Variants in CHRNB3 observed in about 807,000 individuals in gnomAD.
The protein encoded by CHRNB3 is cholinergic receptor nicotinic beta 3 subunit.
CHRNB3 carries 37 observed loss-of-function variants against 40.6 expected under a neutral mutation model. That is an observed-to-expected ratio of 0.91 (90% CI 0.70 to 1.20). The LOEUF is 1.20. Ranked by LOEUF, CHRNB3 falls within the 50% of genes most tolerant of loss-of-function variation. The probability of loss-of-function intolerance (pLI) is 0.00; values close to 1 mark genes in which losing one functional copy is unlikely to be tolerated. For synonymous variants in CHRNB3, 207 were observed against 207.1 expected, an observed-to-expected ratio of 1.00 and a Z score of 0.00; for missense variants, 505 against 551.2, an observed-to-expected ratio of 0.92 and a Z score of 0.84.
At chr8:42,729,237 C>A (rs1443515454) in intron 3 of CHRNB3, among the ~76,000 whole-genome samples, 1 of 151,894 alleles carries the variant, frequency 6.6e-6, no homozygotes, top group African/African-American at 2.4e-5. Flanking sequence ...GAAACCCCGT[C>A]TCCACTAAAA....
chr8:42,719,665 C>G (rs79131545), intron 3 of CHRNB3, among the ~76,000 whole-genome samples: 140 of 152,202 alleles, frequency 9.2e-4, no homozygotes, highest in African/African-American at 3.3e-3. Flanking sequence ...AGAAAAGAAA[C>G]TGGATGAGCC....
chr8:42,719,336 AAC>A (rs1265071478), intron 3 of CHRNB3, among the ~76,000 whole-genome samples: 1 of 152,170 alleles, frequency 6.6e-6, no homozygotes, highest in Admixed American at 6.5e-5. Flanking sequence ...CTCTGTGGTG[AAC>A]ACACATCCTG....
chr8:42,736,084 C>T (rs1315991431), intron 5 of CHRNB3, among the ~76,000 whole-genome samples: 3 of 152,088 alleles, frequency 2.0e-5, no homozygotes, highest in Non-Finnish European at 4.4e-5. Flanking sequence ...CAGCTCGTCT[C>T]GAACTCCTGA....
At chr8:42,703,399 G>T (rs1459538810) in intron 1 of CHRNB3, among the ~76,000 whole-genome samples, 2 of 101,494 alleles carry the variant, frequency 2.0e-5, no homozygotes, top group South Asian at 3.8e-4. Context: ...CCTTCAGCCG[G>T]GGTGACAGAG....
intron 3 of CHRNB3, among the ~76,000 whole-genome samples, chr8:42,710,932 A>T (rs901766497): frequency 2.6e-5 from 4 of 152,228 alleles, no homozygotes; most frequent in African/African-American, 9.6e-5. Flanking sequence ...ATTTCAGAAC[A>T]GAGTGAAGCC....
At chr8:42,729,278 C>T (rs1169355022) in intron 3 of CHRNB3, among the ~76,000 whole-genome samples, 7 of 151,934 alleles carry the variant, frequency 4.6e-5, no homozygotes, top group Admixed American at 3.9e-4. Context: ...GGCGTGGTGG[C>T]GGGAACCTGT....
intron 3 of CHRNB3, among the ~76,000 whole-genome samples, chr8:42,724,350 C>A (rs146383213): frequency 6.6e-6 from 1 of 152,234 alleles, no homozygotes; most frequent in East Asian, 1.9e-4. Context: ...CCCCAAAGTT[C>A]AAGAACAAGG....
intron 3 of CHRNB3, among the ~76,000 whole-genome samples, chr8:42,723,102 A>G (rs1586404490): frequency 7.7e-6 from 1 of 130,146 alleles, no homozygotes; most frequent in Non-Finnish European, 1.7e-5. Flanking sequence ...TTACTAAAAT[A>G]TCGAATAGGA....
rs71221230 is a variant in CHRNB3 at position 42,717,403 on chromosome 8, A to AAAAAAAAAAAAAAAAAAAAAAAAAAAG, written c.249+6971_249+6972insAAAAAAAAAAAAAAAAAAAAAAAAGAA. Among the ~76,000 whole-genome samples the AAAAAAAAAAAAAAAAAAAAAAAAAAAG allele has an allele frequency of 9.2e-4, 47 of 50,906 alleles. 22 individuals are homozygous for AAAAAAAAAAAAAAAAAAAAAAAAAAAG. The highest frequency in any genetic ancestry group is 1.2e-3 in the Non-Finnish European group (32 of 26,716). The allele number at this position is 50,906 out of a possible 152,430, so 33.4% of individuals were successfully genotyped here. On this transcript the variant is annotated intron_variant, in intron 3 of 5. Transcript: ENST00000289957. ...AAAAAAAAAAAAAAAAAAAAAAAAA[A>AAAAAAAAAAAAAAAAAAAAAAAAAAAG]AAGCCGACCTGTTGTGGAAAGGTCA... is the stretch of plus-strand genomic sequence containing the variant.
chr8:42,703,435 A>AAAAAATATATATATATATATATATATAT lies in CHRNB3; in HGVS notation c.53-5281_53-5280insAAAATATATATATATATATATATATATA. ...CAAGACTTCGTCTAAAAAAAAAAAA[A>AAAAAATATATATATATATATATATATAT]ATATTTATATATATATATATATATA... On this transcript the variant is annotated intron_variant, in intron 1 of 5. Transcript: ENST00000289957. Among the ~76,000 whole-genome samples, 44 of 47,372 alleles carry AAAAAATATATATATATATATATATATAT rather than the reference A, an allele frequency of 9.3e-4. 2 individuals carry two copies. The highest frequency in any genetic ancestry group is 2.8e-3 in the Admixed American group (12 of 4,298). The allele number at this position is 47,372 out of a possible 152,430, so 31.1% of individuals were successfully genotyped here.
intron 3 of CHRNB3, among the ~76,000 whole-genome samples, chr8:42,714,681 G>A (rs553336652): frequency 6.6e-6 from 1 of 152,288 alleles, no homozygotes; most frequent in Admixed American, 6.5e-5. Context: ...TACTTATTAA[G>A]TGCCCAGGCA....
Position 42,736,975 on chromosome 8 carries a change from G to T in CHRNB3, c.*357G>T. 5.0e-6 allele frequency: 1 copy of T among 199,404 alleles called. No homozygotes were observed. The highest frequency in any genetic ancestry group is 1.0e-5 in the Non-Finnish European group (1 of 99,020). 12.4% of individuals were successfully genotyped at this position (199,404 alleles called of 1,614,324 possible). ...GCAGCAGGCCTCGGTGGTGGGGGAG[G>T]GGGGATTCACCTGGAATTAAGGAAG... is the stretch of plus-strand genomic sequence containing the variant. On this transcript the variant is annotated 3_prime_UTR_variant, in exon 6 of 6. Coordinates refer to ENST00000289957, the MANE Select transcript of CHRNB3 (RefSeq NM_000749.5).
rs1402846474 is a variant in CHRNB3, at chr8:42,736,600, G to A, written c.1359G>A (p.Trp453Ter). 3 of 1,614,196 alleles carry A rather than the reference G, an allele frequency of 1.9e-6. No individual in the cohort carries two copies. Among genetic ancestry groups the A allele is most frequent in the Non-Finnish European group, 2.5e-6 (3 of 1,180,036 alleles). ...VLIFTPALKM[W>*]LHSYH ...TTTTTACCCCTGCTTTGAAGATGTGGCTACATAGTTACCATTAGGAATTTA... is the reference window on the plus strand; with the variant it reads ...TTTTTACCCCTGCTTTGAAGATGTGACTACATAGTTACCATTAGGAATTTA... Residue 453 changes from tryptophan (W) to a stop codon, truncating the protein, a stop_gained, in exon 6 of 6, where the codon TGG (tryptophan) becomes TGA (stop). Transcript: ENST00000289957. LOFTEE classifies it high-confidence loss of function.
At chr8:42,717,909 C>T (rs1035939859) in intron 3 of CHRNB3, among the ~76,000 whole-genome samples, 11 of 149,828 alleles carry the variant, frequency 7.3e-5, no homozygotes, top group African/African-American at 2.7e-4. Flanking sequence ...CTCGGCTCAC[C>T]ACAACCTCCG....
chr8:42,726,692 G>A (rs1329096694), intron 3 of CHRNB3, among the ~76,000 whole-genome samples: 2 of 152,012 alleles, frequency 1.3e-5, no homozygotes, highest in Non-Finnish European at 2.9e-5. Flanking sequence ...GTTTCACCAT[G>A]TTGGCCAGGC....
intron 3 of CHRNB3, chr8:42,725,442 G>A: frequency 1.7e-6 from 1 of 602,682 alleles, no homozygotes. Context: ...GATAAAGCAG[G>A]AAATAATCTT....
chr8:42,713,689 C>G (rs751899689), intron 3 of CHRNB3, among the ~76,000 whole-genome samples: 2 of 152,138 alleles, frequency 1.3e-5, no homozygotes, highest in Admixed American at 6.6e-5. Flanking sequence ...CCCACTCTTC[C>G]GAGTCTCCAA....
At chr8:42,722,629 A>C (rs1416219514) in intron 3 of CHRNB3, among the ~76,000 whole-genome samples, 3 of 152,162 alleles carry the variant, frequency 2.0e-5, no homozygotes, top group Non-Finnish European at 4.4e-5. Flanking sequence ...TGGTGCAATC[A>C]CAGGTGCCTG....
At chr8:42,727,234 G>A (rs1194586360) in intron 3 of CHRNB3, among the ~76,000 whole-genome samples, 4 of 151,800 alleles carry the variant, frequency 2.6e-5, no homozygotes, top group African/African-American at 9.7e-5. Flanking sequence ...TTAGCCGGGC[G>A]TGGTGGCACA....
Sources: gnomAD v4.1 joint callset for allele counts (sites outside exome capture counted in the v4.1 genomes callset) on GRCh38, gnomAD v4.1.1 for gene constraint, MANE v1.5 for transcripts, NCBI Gene and HGNC (gene_info 2026-07-23, HGNC 2026-07-21) for gene names.